RBFOX1: variants seen among roughly 807,000 people sequenced by gnomAD.
The protein encoded by RBFOX1 is RNA binding fox-1 homolog 1.
In RBFOX1, 8 loss-of-function variants were observed where a neutral mutation model predicts 57.7. That is an observed-to-expected ratio of 0.14 (90% CI 0.08 to 0.25). RBFOX1 has a LOEUF of 0.25. RBFOX1 is among the 10% of genes least tolerant of loss of function. The pLI, the probability that RBFOX1 is intolerant of heterozygous loss-of-function variation, is 1.00. For missense variants in RBFOX1, 611 were observed against 548.5 expected, an observed-to-expected ratio of 1.11 and a Z score of -1.14; for synonymous variants, 326 against 222.4, an observed-to-expected ratio of 1.47 and a Z score of -4.15.
chr16:6,746,975 G>T (rs2073820817), intron 3 of RBFOX1, among the ~76,000 whole-genome samples: 1 of 152,078 alleles, frequency 6.6e-6, no homozygotes, highest in African/African-American at 2.4e-5. Context: ...TCTCTCCTGT[G>T]GAGCTATACT....
At chr16:5,846,404 T>G (rs2056758990) in intron 3 of RBFOX1, among the ~76,000 whole-genome samples, 1 of 149,786 alleles carries the variant, frequency 6.7e-6, no homozygotes, top group Non-Finnish European at 1.5e-5. Context: ...TACAGCATGT[T>G]TTATGGGCTT....
chr16:6,708,612 C>T (rs1157282190), intron 3 of RBFOX1, among the ~76,000 whole-genome samples: 2 of 152,156 alleles, frequency 1.3e-5, no homozygotes, highest in African/African-American at 4.8e-5. Flanking sequence ...ACCTTTTAAG[C>T]CAACAGCTGA....
intron 3 of RBFOX1, among the ~76,000 whole-genome samples, chr16:7,039,330 T>C (rs2045466547): frequency 6.6e-6 from 1 of 152,162 alleles, no homozygotes; most frequent in South Asian, 2.1e-4. Flanking sequence ...TGGCATCCTT[T>C]CAAAACCAGA....
chr16:7,685,063 G>C (rs2147006585), intron 14 of RBFOX1, among the ~76,000 whole-genome samples: 1 of 152,168 alleles, frequency 6.6e-6, no homozygotes, highest in Middle Eastern at 3.4e-3. Flanking sequence ...GGCTCACCAG[G>C]AGCCTGTGAG....
chr16:7,141,342 C>G (rs1423408047), intron 4 of RBFOX1, among the ~76,000 whole-genome samples: 3 of 152,162 alleles, frequency 2.0e-5, no homozygotes, highest in African/African-American at 4.8e-5. Context: ...TTCTGGGAAT[C>G]TAATGCTGAC....
chr16:5,557,085 C>G (rs4569284), intron 2 of RBFOX1, among the ~76,000 whole-genome samples: 1 of 151,760 alleles, frequency 6.6e-6, no homozygotes, highest in African/African-American at 2.4e-5. Context: ...CAGTGAAACC[C>G]CATCTCTACC....
chr16:5,902,179 G>A (rs558786822), intron 4 of RBFOX1, among the ~76,000 whole-genome samples: 55 of 151,892 alleles, frequency 3.6e-4, no homozygotes, highest in African/African-American at 1.2e-3. Flanking sequence ...TTTATTTATC[G>A]CCCTCTCTCA....
At chr16:7,682,954 T>C (rs2146842330) in intron 14 of RBFOX1, among the ~76,000 whole-genome samples, 1 of 79,062 alleles carries the variant, frequency 1.3e-5, no homozygotes, top group African/African-American at 5.5e-5. Flanking sequence ...GTGAGATTCC[T>C]ATTACAAAGC....
chr16:6,953,511 G>C (rs1472149993), intron 3 of RBFOX1, among the ~76,000 whole-genome samples: 1 of 151,920 alleles, frequency 6.6e-6, no homozygotes, highest in Non-Finnish European at 1.5e-5. Context: ...TCAGCCTCCC[G>C]AGTAGCTGGG....
At chr16:6,858,444 C>T (rs60587744) in intron 3 of RBFOX1, among the ~76,000 whole-genome samples, 20,912 of 152,058 alleles carry the variant, frequency 0.14, 1,840 homozygotes, top group African/African-American at 0.24. Flanking sequence ...TCCACAATCT[C>T]GTTATGGGAA....
chr16:6,441,098 G>T (rs1338754752), intron 2 of RBFOX1, among the ~76,000 whole-genome samples: 1 of 152,240 alleles, frequency 6.6e-6, no homozygotes, highest in South Asian at 2.1e-4. Flanking sequence ...GGACGGAGAG[G>T]CAGTGAGCCC....
At chr16:7,552,012 T>C (rs1295140051) in intron 5 of RBFOX1, among the ~76,000 whole-genome samples, 1 of 152,192 alleles carries the variant, frequency 6.6e-6, no homozygotes, top group Admixed American at 6.5e-5. Context: ...CTTCATTCTC[T>C]ATGATGTTCA....
intron 3 of RBFOX1, among the ~76,000 whole-genome samples, chr16:6,887,554 C>T (rs1555573326): frequency 1.4e-5 from 2 of 145,088 alleles, no homozygotes; most frequent in East Asian, 2.0e-4. Context: ...CACAAAAACA[C>T]ATATACTTTT....
chr16:7,488,469 G>A (rs2066008652), intron 4 of RBFOX1, among the ~76,000 whole-genome samples: 1 of 151,886 alleles, frequency 6.6e-6, no homozygotes, highest in Admixed American at 6.6e-5. Flanking sequence ...CTATCACTCT[G>A]TACATTCATA....
intron 3 of RBFOX1, among the ~76,000 whole-genome samples, chr16:6,887,806 G>A (rs543171316): frequency 3.1e-4 from 47 of 152,028 alleles, no homozygotes; most frequent in Admixed American, 2.6e-3. Flanking sequence ...GGGTTTACAG[G>A]CACTCGTCAC....
chr16:7,392,967 A>G (rs1448813540), intron 4 of RBFOX1, among the ~76,000 whole-genome samples: 1 of 151,904 alleles, frequency 6.6e-6, no homozygotes, highest in African/African-American at 2.4e-5. Flanking sequence ...TCCGCCTCCC[A>G]GGTTCCAGTG....
intron 4 of RBFOX1, among the ~76,000 whole-genome samples, chr16:7,510,978 A>T (rs4787040): frequency 0.5 from 76,656 of 152,120 alleles, 24,452 homozygotes; most frequent in Non-Finnish European, 0.72. Context: ...GGGGACAAGT[A>T]AATTCCAGAT....
intron 3 of RBFOX1, among the ~76,000 whole-genome samples, chr16:6,755,340 T>G (rs2075617800): frequency 6.6e-6 from 1 of 152,132 alleles, no homozygotes; most frequent in Non-Finnish European, 1.5e-5. Context: ...GTGTTCCTAT[T>G]TCTCCACATC....
intron 5 of RBFOX1, among the ~76,000 whole-genome samples, chr16:7,520,647 AT>A (rs1486735833): frequency 6.6e-6 from 1 of 152,146 alleles, no homozygotes; most frequent in Non-Finnish European, 1.5e-5. Context: ...ACTTTTTTGT[AT>A]TTAGTTGCTG....
Sources: allele counts gnomAD v4.1 joint callset (sites outside exome capture counted in the v4.1 genomes callset), GRCh38; gene constraint gnomAD v4.1.1; transcripts MANE v1.5; gene names NCBI Gene and HGNC (gene_info 2026-07-23, HGNC 2026-07-21).